Variants in PMEPA1 observed in about 807,000 individuals in gnomAD.
PMEPA1 encodes prostate transmembrane protein, androgen induced 1.
In PMEPA1, 11 loss-of-function variants were observed where a neutral mutation model predicts 23.0. The observed-to-expected ratio is 0.48, with a 90% CI of 0.30 to 0.79. The LOEUF is 0.79. Ranked by LOEUF, PMEPA1 falls within the 30% of genes least tolerant of loss-of-function variation. The pLI is 0.06. For synonymous variants in PMEPA1, 204 were observed against 166.4 expected (o/e 1.23, Z -1.74); for missense variants, 377 against 390.9 (o/e 0.96, Z 0.30).
At position 57,648,848 on chromosome 20, in the gene PMEPA1, G is replaced by C. The variant is rs890957875; in HGVS notation, c.*3205C>G. 6.6e-6 allele frequency: 1 copy of C among 152,158 alleles called. No individual in the cohort carries two copies. 9.4% of individuals were successfully genotyped at this position (152,158 alleles called of 1,614,324 possible). A position where few individuals can be genotyped will look rare whatever the true frequency, so the allele number is the denominator to read the frequency against. ...TGCACATAGGAAAAAAAATTTCTCT[G>C]AAACGTACAATTCATAGGGACGACC... is the stretch of plus-strand genomic sequence containing the variant. On this transcript the variant is annotated 3_prime_UTR_variant, in exon 4 of 4. Coordinates refer to ENST00000341744, the MANE Select transcript of PMEPA1 (RefSeq NM_020182.5).
intron 1 of PMEPA1, among the ~76,000 whole-genome samples, chr20:57,692,671 C>T (rs557487942): frequency 2.6e-5 from 4 of 152,352 alleles, no homozygotes; most frequent in Non-Finnish European, 4.4e-5. Flanking sequence ...CCATGCCAGC[C>T]GGGTGCCACT....
At chr20:57,673,923 C>T (rs909899821) in intron 1 of PMEPA1, among the ~76,000 whole-genome samples, 6 of 152,174 alleles carry the variant, frequency 3.9e-5, no homozygotes, top group African/African-American at 1.4e-4. Flanking sequence ...GCAAATGGGG[C>T]CTCACTCATG....
chr20:57,699,783 A>T (rs183851892), intron 1 of PMEPA1, among the ~76,000 whole-genome samples: 42 of 152,202 alleles, frequency 2.8e-4, no homozygotes, highest in Admixed American at 2.4e-3. Flanking sequence ...GCCTGGGGGA[A>T]CCCGGGGCAA....
intron 2 of PMEPA1, among the ~76,000 whole-genome samples, chr20:57,658,225 G>A (rs2071354965): frequency 6.6e-6 from 1 of 151,778 alleles, no homozygotes; most frequent in African/African-American, 2.4e-5. Context: ...ACCCACCAAT[G>A]CTCACAACTC....
At position 57,669,413 on chromosome 20, in the gene PMEPA1, G is replaced by T. The variant is rs1214383447; in HGVS notation, c.110-9716C>A. Among the ~76,000 whole-genome samples, 5 of 152,206 alleles carry T rather than the reference G, an allele frequency of 3.3e-5. No individual in the cohort carries two copies. The South Asian group carries it at 1.0e-3, about 32-fold the overall frequency. On this transcript the variant is annotated intron_variant, in intron 1 of 3. Transcript: ENST00000341744. Reference sequence around the variant, plus strand: ...TGACCTCAAGGGATCCACCCACCTCGGCCTCCAAAAGTGCTGGGATTACAG... The same window carrying T: ...TGACCTCAAGGGATCCACCCACCTCTGCCTCCAAAAGTGCTGGGATTACAG...
intron 1 of PMEPA1, among the ~76,000 whole-genome samples, chr20:57,673,879 T>C (rs2071601620): frequency 6.6e-6 from 1 of 152,160 alleles, no homozygotes; most frequent in Admixed American, 6.5e-5. Flanking sequence ...CCCTCCCCTC[T>C]CTGGGCTTGT....
chr20:57,655,316 C>A lies in PMEPA1; in HGVS notation c.265-2230G>T, dbSNP rs2071312058. 1.3e-5 allele frequency among the ~76,000 whole-genome samples: 2 copies of A among 152,152 alleles called. No homozygotes were observed. Among genetic ancestry groups the A allele is most frequent in the South Asian group, 2.1e-4 (1 of 4,826 alleles). ...CTCTCCGTTAGCCCCCCAGGCGGGT[C>A]AGGCACCTCCTCCCATCTCCTCCAG... is the stretch of plus-strand genomic sequence containing the variant. On this transcript the variant is annotated intron_variant, in intron 2 of 3. Transcript: ENST00000341744. This position sits in a 1 kb window ranked among gnomAD's most constrained non-coding sequence, Gnocchi z 4.2.
chr20:57,680,980 G>C (rs1036364043), intron 1 of PMEPA1, among the ~76,000 whole-genome samples: 1 of 152,142 alleles, frequency 6.6e-6, no homozygotes, highest in Admixed American at 6.5e-5. Flanking sequence ...CCCACGGGTC[G>C]GGGCCGGGTC....
At chr20:57,692,578 C>T (rs1426408722) in intron 1 of PMEPA1, among the ~76,000 whole-genome samples, 1 of 152,342 alleles carries the variant, frequency 6.6e-6, no homozygotes. Context: ...GTCACGAGCA[C>T]GGCCACTTTT....
intron 1 of PMEPA1, among the ~76,000 whole-genome samples, chr20:57,673,674 G>C (rs1005889884): frequency 1.3e-5 from 2 of 152,214 alleles, no homozygotes; most frequent in Non-Finnish European, 2.9e-5. Context: ...AAGGAAAAGA[G>C]TGTCCCATCA....
At chr20:57,666,087 G>A (rs1026777607) in intron 1 of PMEPA1, among the ~76,000 whole-genome samples, 6 of 152,096 alleles carry the variant, frequency 3.9e-5, no homozygotes, top group Non-Finnish European at 7.4e-5. Context: ...GCAGGCTCTC[G>A]GGGGTGACCA....
At chr20:57,702,037 C>T (rs1600675198) in intron 1 of PMEPA1, among the ~76,000 whole-genome samples, 1 of 152,184 alleles carries the variant, frequency 6.6e-6, no homozygotes, top group South Asian at 2.1e-4. Flanking sequence ...TCTCCCTAGG[C>T]GAGGCCCTGA....
rs1402692992 is a variant in PMEPA1 at position 57,649,726 on chromosome 20, C to G, written c.*2327G>C. ...GCAGGAGTAACCTCACCAAGCTAGG[C>G]ACCTCCCTGGTAGAGACAGGGTGAG... On this transcript the variant is annotated 3_prime_UTR_variant, in exon 4 of 4. Coordinates refer to ENST00000341744, the MANE Select transcript of PMEPA1 (RefSeq NM_020182.5). 6.6e-6 allele frequency: 1 copy of G among 152,492 alleles called. No individual in the cohort carries two copies. Among genetic ancestry groups the G allele is most frequent in the African/African-American group, 2.4e-5 (1 of 41,384 alleles). The allele number at this position is 152,492 out of a possible 1,614,324, so 9.4% of individuals were successfully genotyped here.
chr20:57,658,673 G>A (rs1423522100), intron 2 of PMEPA1, among the ~76,000 whole-genome samples: 1 of 152,182 alleles, frequency 6.6e-6, no homozygotes, highest in Non-Finnish European at 1.5e-5. Context: ...GTAGATCAGG[G>A]ACAGGTCTGA....
intron 1 of PMEPA1, among the ~76,000 whole-genome samples, chr20:57,698,855 CTT>C (rs2071975597): frequency 6.6e-6 from 1 of 152,136 alleles, no homozygotes; most frequent in Admixed American, 6.5e-5. Flanking sequence ...TCTGTATTAA[CTT>C]TTATTTTTTA....
chr20:57,687,586 C>T (rs1257909765), intron 1 of PMEPA1, among the ~76,000 whole-genome samples: 1 of 152,254 alleles, frequency 6.6e-6, no homozygotes, highest in East Asian at 1.9e-4. Flanking sequence ...AGGCTCTATC[C>T]ATCAGGCAAA....
At chr20:57,705,183 G>A (rs1208420926) in intron 1 of PMEPA1, among the ~76,000 whole-genome samples, 2 of 152,210 alleles carry the variant, frequency 1.3e-5, no homozygotes, top group Admixed American at 6.5e-5. Context: ...ACTCACAGGC[G>A]CGTGTGTGTT....
intron 1 of PMEPA1, among the ~76,000 whole-genome samples, chr20:57,677,528 A>C (rs544798718): frequency 2.2e-4 from 34 of 152,308 alleles, no homozygotes; most frequent in African/African-American, 7.9e-4. Flanking sequence ...AAGAGGAAGG[A>C]ATCTCTGCAA....
chr20:57,658,243 TCAA>T (rs1353452873), intron 2 of PMEPA1, among the ~76,000 whole-genome samples: 1 of 152,128 alleles, frequency 6.6e-6, no homozygotes, highest in Non-Finnish European at 1.5e-5. Context: ...CTCTGAGAGA[TCAA>T]CACCCAGGAC....
Sources: gnomAD v4.1 joint callset for allele counts (sites outside exome capture counted in the v4.1 genomes callset) on GRCh38, gnomAD v4.1.1 for gene constraint, Gnocchi (gnomAD v3.1) non-coding constraint, MANE v1.5 for transcripts, NCBI Gene and HGNC (gene_info 2026-07-23, HGNC 2026-07-21) for gene names.